VPS54: variants seen among roughly 807,000 people sequenced by gnomAD.
VPS54 encodes VPS54 subunit of GARP complex, also known as vacuolar protein sorting-associated protein 54.
In VPS54, 45 loss-of-function variants were observed where a neutral mutation model predicts 121.5. The ratio of observed to expected loss-of-function variants is 0.37; its 90% CI spans 0.29 to 0.47. The LOEUF (loss-of-function observed/expected upper bound fraction) is 0.47, where lower values mean the gene tolerates loss of function less well. VPS54 is among the 20% of genes least tolerant of loss of function. The pLI is 0.99. For missense variants in VPS54, 1,090 were observed against 1,131.4 expected, an observed-to-expected ratio of 0.96 and a Z score of 0.52; for synonymous variants, 371 against 385.8, an observed-to-expected ratio of 0.96 and a Z score of 0.45.
In VPS54 at chr2:63,918,036, C is replaced by T. The variant is rs74504811; in HGVS notation, c.2165-1073G>A. ...TAATCTTCATTTCCCCAATGCCTAGCTGAGTGGATAGTAACCCAATTAATT... is the reference window on the plus strand; with the variant it reads ...TAATCTTCATTTCCCCAATGCCTAGTTGAGTGGATAGTAACCCAATTAATT... On this transcript the variant is annotated intron_variant, in intron 15 of 22. Coordinates refer to ENST00000272322, the MANE Select transcript of VPS54 (RefSeq NM_016516.3). Among the ~76,000 whole-genome samples the T allele has an allele frequency of 4.6e-5, 7 of 152,036 alleles. No homozygotes were observed. In the East Asian group the frequency reaches 1.4e-3, roughly 29 times the overall value.
intron 7 of VPS54, among the ~76,000 whole-genome samples, chr2:63,953,245 C>T (rs1675340271): frequency 6.6e-6 from 1 of 151,084 alleles, no homozygotes; most frequent in African/African-American, 2.4e-5. Context: ...AATTCTCGTG[C>T]CTCAGCCTCC....
intron 1 of VPS54, among the ~76,000 whole-genome samples, chr2:63,985,310 C>A (rs1676996793): frequency 6.6e-6 from 1 of 152,104 alleles, no homozygotes; most frequent in South Asian, 2.1e-4. Flanking sequence ...CATGGTGAGA[C>A]CCCGTCTCAA....
chr2:63,927,879 T>C (rs913835420), intron 12 of VPS54, among the ~76,000 whole-genome samples: 1 of 152,100 alleles, frequency 6.6e-6, no homozygotes, highest in Non-Finnish European at 1.5e-5. Flanking sequence ...CAAGCTTCAA[T>C]AGCCGATTCA....
At chr2:63,919,479 A>C (rs956392409) in intron 15 of VPS54, among the ~76,000 whole-genome samples, 1 of 152,134 alleles carries the variant, frequency 6.6e-6, no homozygotes, top group African/African-American at 2.4e-5. Flanking sequence ...GTATGTAAAC[A>C]ATACGGTATA....
chr2:63,955,371 G>T (rs894874161), intron 7 of VPS54, among the ~76,000 whole-genome samples: 43 of 151,822 alleles, frequency 2.8e-4, no homozygotes, highest in Admixed American at 2.8e-3. Context: ...GCAGACTAGA[G>T]GTTAGCACTC....
At position 63,997,654 on chromosome 2, in the gene VPS54, C is replaced by T. The variant is rs188067841; in HGVS notation, c.-20-13635G>A. Among the ~76,000 whole-genome samples the T allele has an allele frequency of 2.1e-3, 316 of 151,960 alleles. 3 individuals are homozygous for T. The highest frequency in any genetic ancestry group is 7.3e-3 in the African/African-American group (304 of 41,492). On this transcript the variant is annotated intron_variant, in intron 1 of 22. Transcript: ENST00000272322. The stretch of plus-strand genomic sequence containing the variant: ...TTGTTTTATCTTTTCAAAAACCCAA[C>T]GTTTTATTGATCTTTTGTCCTGTTT...
chr2:63,941,890 C>A (rs1478144136), intron 11 of VPS54, among the ~76,000 whole-genome samples: 1 of 151,774 alleles, frequency 6.6e-6, no homozygotes, highest in East Asian at 1.9e-4. Flanking sequence ...AAAAATTAGC[C>A]AGGCGTGGTG....
At chr2:63,936,664 A>G (rs1004443743) in intron 11 of VPS54, among the ~76,000 whole-genome samples, 3 of 152,168 alleles carry the variant, frequency 2.0e-5, no homozygotes, top group African/African-American at 7.2e-5. Flanking sequence ...AATTAGCCTA[A>G]TCTATAGGGT....
intron 1 of VPS54, among the ~76,000 whole-genome samples, chr2:64,002,244 G>C (rs1397660704): frequency 6.6e-6 from 1 of 152,210 alleles, no homozygotes; most frequent in East Asian, 1.9e-4. Context: ...AGCAATTCAA[G>C]ACTGTCTTTC....
At chr2:63,970,790 C>T (rs930409297) in intron 4 of VPS54, among the ~76,000 whole-genome samples, 3 of 152,186 alleles carry the variant, frequency 2.0e-5, no homozygotes, top group African/African-American at 7.2e-5. Flanking sequence ...TTAAATGAGA[C>T]AGCTTAATTA....
chr2:63,966,501 T>C (rs1676010545), intron 5 of VPS54, among the ~76,000 whole-genome samples: 1 of 152,228 alleles, frequency 6.6e-6, no homozygotes, highest in African/African-American at 2.4e-5. Context: ...ACCCGTTATA[T>C]TTTGTAAATA....
rs1675121895 is a variant in VPS54, at chr2:63,949,109, A to G, written c.1065T>C (p.Ile355=). The G allele has an allele frequency of 1.2e-6, 2 of 1,611,518 alleles. No homozygotes were observed. The highest frequency in any genetic ancestry group is 1.7e-4 in the Middle Eastern group (1 of 5,906). Residue 355 remains isoleucine, a synonymous_variant, in exon 8 of 23, where the codon ATT becomes ATC. Transcript: ENST00000272322. ...TGTGAGAATAAGTAGAAAATTCTGC[A>G]ATCATCATTTTATCTATCAGTTTTT... ...ELEKLIDKMM[I]AEFSTYSHSD... is the part of the protein sequence containing the mutation.
chr2:63,934,054 T>G, intron 11 of VPS54, 41 bp from the exon 12 acceptor site: 1 of 1,538,666 alleles, frequency 6.5e-7, no homozygotes, highest in Non-Finnish European at 8.8e-7. Context: ...ACGTAAAATG[T>G]CTCTTACCTG....
intron 3 of VPS54, 55 bp downstream of exon 3, chr2:63,981,590 TA>T (rs1472597486): frequency 6.6e-7 from 1 of 1,504,014 alleles, no homozygotes; most frequent in Non-Finnish European, 8.9e-7. Context: ...TAAAGCATAC[TA>T]AAAATATTTC....
rs796705533 is a variant in VPS54, at chr2:63,996,681, C to T, written c.-20-12662G>A. ...CAGCCCTGGGAAAAGAATGCATTCC[C>T]GGCCGGGGAGGGGGGCCTCTAAAAT... On this transcript the variant is annotated intron_variant, in intron 1 of 22. Coordinates refer to ENST00000272322, the MANE Select transcript of VPS54 (RefSeq NM_016516.3). Among the ~76,000 whole-genome samples the T allele has an allele frequency of 4.6e-5, 7 of 152,262 alleles. 1 individual carries two copies. The highest frequency in any genetic ancestry group is 1.7e-4 in the African/African-American group (7 of 41,544).
intron 12 of VPS54, among the ~76,000 whole-genome samples, chr2:63,929,626 A>G (rs2104473971): frequency 6.6e-6 from 1 of 152,206 alleles, no homozygotes; most frequent in Admixed American, 6.5e-5. Context: ...AAGAGCAAAC[A>G]CATTCAAAAG....
chr2:63,913,954 A>G, intron 17 of VPS54: 4 of 1,313,204 alleles, frequency 3.0e-6, no homozygotes, highest in Non-Finnish European at 2.9e-6. Context: ...CCTGTCTCCA[A>G]TGTCATTAAC....
At chr2:63,918,981 T>C (rs932141010) in intron 15 of VPS54, among the ~76,000 whole-genome samples, 1 of 152,086 alleles carries the variant, frequency 6.6e-6, no homozygotes, top group Non-Finnish European at 1.5e-5. Context: ...CTTTCTCTTG[T>C]AGTCTAGTTG....
rs80074390 is a variant in VPS54, at chr2:63,956,091, C to T, written c.1010+5967G>A. Among the ~76,000 whole-genome samples the T allele has an allele frequency of 3.9e-5, 6 of 152,266 alleles. No homozygotes were observed. In the East Asian group the frequency reaches 1.2e-3, roughly 29 times the overall value. ...AGCTGTATGTTCAATACAGTGACCT[C>T]TGTGCTGTTCTTATCAGAAAACCTT... On this transcript the variant is annotated intron_variant, in intron 7 of 22. Transcript: ENST00000272322.
Sources: gnomAD v4.1 joint callset for allele counts (sites outside exome capture counted in the v4.1 genomes callset) on GRCh38, gnomAD v4.1.1 for gene constraint, MANE v1.5 for transcripts, NCBI Gene and HGNC (gene_info 2026-07-23, HGNC 2026-07-21) for gene names.